The following NUF2 variants were observed in gnomAD, a reference collection of about 807,000 sequenced individuals.
The protein encoded by NUF2 is kinetochore protein Nuf2.
Under a neutral mutation model 61.8 loss-of-function variants are expected in NUF2, and 34 were observed. The ratio of observed to expected loss-of-function variants is 0.55; its 90% CI spans 0.42 to 0.73. The LOEUF is 0.73. Ranked by LOEUF, NUF2 falls within the 30% of genes least tolerant of loss-of-function variation. NUF2 has a pLI of 0.00. For missense variants in NUF2, 445 were observed against 539.1 expected (o/e 0.83, Z 1.73); for synonymous variants, 172 against 181.6 (o/e 0.95, Z 0.42).
At chr1:163,352,937 C>T (rs1265799169) in intron 13 of NUF2, among the ~76,000 whole-genome samples, 2 of 152,100 alleles carry the variant, frequency 1.3e-5, no homozygotes, top group South Asian at 2.1e-4. Context: ...CTATGTCTTC[C>T]ACATAACTTT....
At chr1:163,335,882 G>A (rs1227569559) in intron 5 of NUF2, among the ~76,000 whole-genome samples, 1 of 151,988 alleles carries the variant, frequency 6.6e-6, no homozygotes, top group Non-Finnish European at 1.5e-5. Context: ...ATTCCCATCA[G>A]TGTAATTTTT....
At chr1:163,351,632 G>C (rs1009190085) in intron 13 of NUF2, among the ~76,000 whole-genome samples, 4 of 152,028 alleles carry the variant, frequency 2.6e-5, no homozygotes, top group African/African-American at 9.7e-5. Flanking sequence ...CAAAACTTTG[G>C]GTACAATTCT....
At chr1:163,336,025 A>G (rs1287941057) in intron 5 of NUF2, among the ~76,000 whole-genome samples, 1 of 152,142 alleles carries the variant, frequency 6.6e-6, no homozygotes, top group African/African-American at 2.4e-5. Context: ...TCACATTCTT[A>G]TCTACTAAAT....
chr1:163,336,902 G>T, intron 6 of NUF2, 54 bp downstream of exon 6: 1 of 1,100,036 alleles, frequency 9.1e-7, no homozygotes. Context: ...CATTATTTAT[G>T]AACTTATAAT....
intron 11 of NUF2, among the ~76,000 whole-genome samples, chr1:163,347,211 A>T (rs1005826478): frequency 1.3e-5 from 2 of 152,218 alleles, no homozygotes; most frequent in Non-Finnish European, 2.9e-5. Flanking sequence ...CTCAGGCTAC[A>T]AGCTTGAAAA....
intron 1 of NUF2, among the ~76,000 whole-genome samples, chr1:163,324,236 T>C (rs1472863703): frequency 2.0e-5 from 3 of 151,646 alleles, no homozygotes; most frequent in Non-Finnish European, 2.9e-5. Context: ...AATGGTGTCA[T>C]GTAAACAGAG....
intron 5 of NUF2, among the ~76,000 whole-genome samples, chr1:163,332,384 T>G (rs1650625017): frequency 1.3e-5 from 2 of 152,158 alleles, no homozygotes; most frequent in Non-Finnish European, 2.9e-5. Flanking sequence ...CACACTTATT[T>G]TATGGCCCAG....
In NUF2 at chr1:163,329,041, T is replaced by A. The variant is rs190742628; in HGVS notation, c.337+134T>A. ...ATTGCCTTTAAAAAGTATATCCCAT[T>A]TTTAAGTATGAATTTTTAATATCTT... On this transcript the variant is annotated intron_variant, in intron 5 of 13. Transcript: ENST00000271452. 898 of 465,768 alleles carry A rather than the reference T, an allele frequency of 1.9e-3. 2 individuals carry two copies. Among genetic ancestry groups the A allele is most frequent in the Admixed American group, 5.2e-3 (135 of 26,140 alleles). The allele number at this position is 465,768 out of a possible 1,614,324, so 28.9% of individuals were successfully genotyped here. A position where few individuals can be genotyped will look rare whatever the true frequency, so the allele number is the denominator to read the frequency against.
rs374014113 is a variant in NUF2, at chr1:163,328,900, A to G, written c.330A>G (p.Leu110=). 5.7e-6 allele frequency: 9 copies of G among 1,590,814 alleles called. No homozygotes were observed. The African/African-American group carries it at 8.1e-5, about 14-fold the overall frequency. The change falls in exon 5 of 14, where the codon CTA becomes CTG. Residue 110 remains leucine (L), a synonymous_variant. Coordinates refer to ENST00000271452, the MANE Select transcript of NUF2 (RefSeq NM_145697.3). ...RVNDFETADI[L]CPKAKRTSRF... ...ATGACTTTGAGACTGCTGATATTCT[A>G]TGTCCAAGTAAGTGAGAATTTAAAA...
At position 163,340,350 on chromosome 1, in the gene NUF2, G is replaced by A. The variant is rs1301890453; in HGVS notation, c.607-14G>A. The A allele has an allele frequency of 1.3e-6, 2 of 1,596,892 alleles. No homozygotes were observed. The highest frequency in any genetic ancestry group is 2.7e-5 in the African/African-American group (2 of 74,270). Reference sequence around the variant, plus strand: ...TTTTGAATCATTATAAAACGTGTTTGCTTTTTCCCTTAGATAGTGCTGCAA... The same window carrying A: ...TTTTGAATCATTATAAAACGTGTTTACTTTTTCCCTTAGATAGTGCTGCAA... On this transcript the variant is annotated splice_polypyrimidine_tract_variant and intron_variant, in intron 8 of 13. Coordinates refer to ENST00000271452, the MANE Select transcript of NUF2 (RefSeq NM_145697.3).
rs528034547 is a variant in NUF2, at chr1:163,322,180, T to A, written c.-53T>A. 6.6e-6 allele frequency: 1 copy of A among 152,012 alleles called. No individual in the cohort carries two copies. Among genetic ancestry groups the A allele is most frequent in the East Asian group, 1.9e-4 (1 of 5,164 alleles). The allele number at this position is 152,012 out of a possible 1,614,324, so 9.4% of individuals were successfully genotyped here. A position where few individuals can be genotyped will look rare whatever the true frequency, so the allele number is the denominator to read the frequency against. The stretch of plus-strand genomic sequence containing the variant: ...GCGGTGTTTTCGTCGTGCTCAGCGG[T>A]GGGAGGAGGCGGAAGAAACCAGAGC... On this transcript the variant is annotated 5_prime_UTR_variant, in exon 1 of 14. Transcript: ENST00000271452.
At chr1:163,335,270 G>A (rs1318898455) in intron 5 of NUF2, among the ~76,000 whole-genome samples, 1 of 152,112 alleles carries the variant, frequency 6.6e-6, no homozygotes, top group Non-Finnish European at 1.5e-5. Flanking sequence ...AGGTGTAAGG[G>A]ACTGGTGCAT....
chr1:163,341,008 T>G (rs923785662), intron 9 of NUF2, among the ~76,000 whole-genome samples: 1 of 152,162 alleles, frequency 6.6e-6, no homozygotes, highest in African/African-American at 2.4e-5. Context: ...TGTTTAGGAT[T>G]TCTGGGTCAT....
intron 5 of NUF2, among the ~76,000 whole-genome samples, chr1:163,334,521 A>G (rs1293626211): frequency 2.0e-5 from 3 of 152,180 alleles, no homozygotes; most frequent in Admixed American, 2.0e-4. Flanking sequence ...CTCACCTGTA[A>G]TCTTATCACT....
intron 11 of NUF2, among the ~76,000 whole-genome samples, chr1:163,346,586 G>A (rs1241308929): frequency 6.6e-6 from 1 of 152,196 alleles, no homozygotes; most frequent in African/African-American, 2.4e-5. Flanking sequence ...TGGGCATGGT[G>A]GCTCAAGCCT....
At chr1:163,335,262 G>A (rs1341502769) in intron 5 of NUF2, among the ~76,000 whole-genome samples, 1 of 152,096 alleles carries the variant, frequency 6.6e-6, no homozygotes, top group Non-Finnish European at 1.5e-5. Context: ...ACTATGCCAG[G>A]TGTAAGGGAC....
intron 13 of NUF2, 126 bp from the exon 14 acceptor site, chr1:163,355,205 TTGTG>T (rs1189714949): frequency 3.1e-6 from 2 of 644,268 alleles, no homozygotes; most frequent in African/African-American, 3.8e-5. Context: ...ACATGCACAT[TTGTG>T]TGTGTGCATA....
rs1051928490 is a variant in NUF2, at chr1:163,329,671, C to G, written c.337+764C>G. On this transcript the variant is annotated intron_variant, in intron 5 of 13. Transcript: ENST00000271452. ...AACTCACTCACTGTAGACAGGACAG[C>G]ATCAACCATACTCTTAACTTTACAA... Among the ~76,000 whole-genome samples the G allele has an allele frequency of 2.6e-5, 4 of 152,224 alleles. 1 individual carries two copies. Among genetic ancestry groups the G allele is most frequent in the Admixed American group, 2.6e-4 (4 of 15,282 alleles).
intron 12 of NUF2, among the ~76,000 whole-genome samples, chr1:163,348,479 TAA>T (rs991636441): frequency 3.3e-5 from 5 of 152,160 alleles, no homozygotes; most frequent in African/African-American, 1.2e-4. Flanking sequence ...CTTCAGTTAC[TAA>T]AAGGTGCGTC....
Sources: gnomAD v4.1 joint callset for allele counts (sites outside exome capture counted in the v4.1 genomes callset) on GRCh38, gnomAD v4.1.1 for gene constraint, MANE v1.5 for transcripts, NCBI Gene and HGNC (gene_info 2026-07-23, HGNC 2026-07-21) for gene names.